Variants in JADE1 observed in about 807,000 individuals in gnomAD.
The protein encoded by JADE1 is protein Jade-1.
In JADE1, 14 loss-of-function variants were observed where a neutral mutation model predicts 81.8. The observed-to-expected ratio is 0.17, with a 90% CI of 0.11 to 0.27. JADE1 has a LOEUF of 0.27. Among genes scored for constraint, JADE1 ranks in the 10% least tolerant of loss-of-function variants. The pLI is 1.00. For missense variants in JADE1, 690 were observed against 1,047.9 expected (o/e 0.66, Z 4.71); for synonymous variants, 353 against 391.9 (o/e 0.90, Z 1.17).
At chr4:128,855,948 T>A in intron 7 of JADE1, 151 bp downstream of exon 7, 1 of 573,692 alleles carries the variant, frequency 1.7e-6, no homozygotes, top group Non-Finnish European at 2.9e-6. Context: ...GCCTTTTGAG[T>A]AGCTGAGATT....
chr4:128,837,598 C>T (rs927509095), intron 2 of JADE1, among the ~76,000 whole-genome samples: 2 of 152,100 alleles, frequency 1.3e-5, no homozygotes, highest in African/African-American at 4.8e-5. Context: ...ATTAAATTTC[C>T]CTAATTTGAG....
chr4:128,861,559 C>A, intron 8 of JADE1, 145 bp from the exon 9 acceptor site: 1 of 926,990 alleles, frequency 1.1e-6, no homozygotes, highest in Non-Finnish European at 1.6e-6. Flanking sequence ...CAGGGTTAAT[C>A]CACGTACAAC....
intron 5 of JADE1, among the ~76,000 whole-genome samples, chr4:128,850,294 CAG>C (rs2125864673): frequency 7.3e-6 from 1 of 136,496 alleles, no homozygotes; most frequent in African/African-American, 2.7e-5. Flanking sequence ...ACCTGGGCAA[CAG>C]AGCCAGACTC....
intron 1 of JADE1, among the ~76,000 whole-genome samples, chr4:128,819,322 T>G (rs1350781822): frequency 6.6e-6 from 1 of 152,132 alleles, no homozygotes; most frequent in Non-Finnish European, 1.5e-5. Flanking sequence ...CAGGCAGTAG[T>G]GCAGTGGCAC....
chr4:128,826,433 C>CT (rs1398792041), intron 1 of JADE1, among the ~76,000 whole-genome samples: 1 of 152,074 alleles, frequency 6.6e-6, no homozygotes, highest in African/African-American at 2.4e-5. Flanking sequence ...GCTCAGCTCA[C>CT]TGCAACCTCC....
At position 128,852,246 on chromosome 4, in the gene JADE1, A is replaced by G. The variant is rs986364281; in HGVS notation, c.674A>G (p.Lys225Arg). The change falls in exon 6 of 11, where the codon AAA becomes AGA. Residue 225 changes from lysine to arginine, a missense_variant. By Grantham distance (26) the Lys-to-Arg change is conservative (BLOSUM62 2). This residue lies in a region of JADE1 where 84 missense variants were observed against 226.6 expected (regional missense o/e 0.37). Transcript: ENST00000226319. ...GGCAATGAGATGGTGTTCTGTGACA[A>G]ATGCAACATCTGTGTGCACCAGGTA... ...EDGNEMVFCD[K>R]CNICVHQACY... 1.9e-6 allele frequency: 3 copies of G among 1,613,928 alleles called. No individual in the cohort carries two copies. Among genetic ancestry groups the G allele is most frequent in the Non-Finnish European group, 2.5e-6 (3 of 1,179,938 alleles).
intron 10 of JADE1, among the ~76,000 whole-genome samples, chr4:128,870,508 GGGGTAACAACTCATTAGT>G (rs1732110760): frequency 6.6e-6 from 1 of 152,160 alleles, no homozygotes; most frequent in South Asian, 2.1e-4. Context: ...TCACCTGCTA[GGGGTAACAACTCATTAGT>G]GGGTTGTGAG....
chr4:128,828,336 G>T (rs986811274), intron 1 of JADE1, among the ~76,000 whole-genome samples: 4 of 152,170 alleles, frequency 2.6e-5, no homozygotes, highest in Admixed American at 6.6e-5. Context: ...TTTTAGTGGG[G>T]CAGATGTTTG....
intron 6 of JADE1, among the ~76,000 whole-genome samples, chr4:128,852,942 C>T (rs186712437): frequency 7.1e-4 from 105 of 147,464 alleles, no homozygotes; most frequent in African/African-American, 2.4e-3. Flanking sequence ...TTTGAGATGG[C>T]TGGAGTGCAA....
chr4:128,865,666 G>A (rs1264492153), intron 9 of JADE1, among the ~76,000 whole-genome samples: 2 of 152,154 alleles, frequency 1.3e-5, no homozygotes, highest in Non-Finnish European at 2.9e-5. Flanking sequence ...GGGCTGATTT[G>A]TTCCGATTGA....
intron 1 of JADE1, among the ~76,000 whole-genome samples, chr4:128,828,356 A>G (rs912762028): frequency 3.3e-5 from 5 of 152,190 alleles, no homozygotes; most frequent in Non-Finnish European, 1.5e-5. Flanking sequence ...GCAGCATACA[A>G]CCACTGTATT....
chr4:128,842,160 C>G (rs966088368), intron 2 of JADE1, among the ~76,000 whole-genome samples: 3 of 152,166 alleles, frequency 2.0e-5, no homozygotes, highest in Admixed American at 6.5e-5. Flanking sequence ...ACTATGCTAG[C>G]TATTTACTAC....
chr4:128,871,984 T>G lies in JADE1; in HGVS notation c.2251T>G (p.Phe751Val). The G allele has an allele frequency of 6.2e-7, 1 of 1,613,912 alleles. No individual in the cohort carries two copies. The highest frequency in any genetic ancestry group is 8.5e-7 in the Non-Finnish European group (1 of 1,179,932). Residue 751 changes from phenylalanine to valine, a missense_variant, in exon 11 of 11, where the codon TTC (phenylalanine) becomes GTC (valine). Phe to Val is a conservative substitution (Grantham distance 50). Around this residue, in one of 8 missense-constraint regions of JADE1, gnomAD observed 218 missense variants for 274.3 expected, o/e 0.79. Coordinates refer to ENST00000226319, the MANE Select transcript of JADE1 (RefSeq NM_199320.4). The surrounding 1 kb of genome is among the most constrained non-coding windows in gnomAD (Gnocchi z 4.1). ...CAGCCCAGTGAAAAACTGGGGAGGA[T>G]TCCGGATTCCAAAGAAGGGGGAACG... ...PASPVKNWGG[F>V]RIPKKGERQQ...
At chr4:128,860,743 T>C (rs1461141571) in intron 8 of JADE1, among the ~76,000 whole-genome samples, 1 of 152,234 alleles carries the variant, frequency 6.6e-6, no homozygotes, top group African/African-American at 2.4e-5. Context: ...ATTGTGGCCC[T>C]GTTTAGGCAG....
intron 5 of JADE1, among the ~76,000 whole-genome samples, chr4:128,851,161 C>A (rs1730320061): frequency 6.6e-6 from 1 of 152,220 alleles, no homozygotes; most frequent in African/African-American, 2.4e-5. Context: ...GAACTCCTGA[C>A]CTCAAATGAT....
chr4:128,865,772 T>A (rs1560779754), intron 9 of JADE1, among the ~76,000 whole-genome samples: 1 of 152,224 alleles, frequency 6.6e-6, no homozygotes, highest in Non-Finnish European at 1.5e-5. Context: ...GCAGCCATGG[T>A]GTGGTCAAAG....
At chr4:128,848,860 C>A in intron 4 of JADE1, 120 bp from the exon 5 acceptor site, 2 of 903,610 alleles carry the variant, frequency 2.2e-6, no homozygotes, top group South Asian at 1.5e-5. Context: ...AGGTTTTCAG[C>A]CTCTGGTGAT....
chr4:128,867,742 G>C (rs1419953027), intron 9 of JADE1, 114 bp from the exon 10 acceptor site: 4 of 566,892 alleles, frequency 7.1e-6, no homozygotes, highest in Non-Finnish European at 1.3e-5. Flanking sequence ...TTGATTTCAA[G>C]TATCTGTCAA....
chr4:128,851,726 C>T (rs1730372842), intron 5 of JADE1, among the ~76,000 whole-genome samples: 1 of 152,158 alleles, frequency 6.6e-6, no homozygotes, highest in African/African-American at 2.4e-5. Context: ...CACAGTGGCA[C>T]AGTCATGGCT....
Sources: gnomAD v4.1 joint callset for allele counts (sites outside exome capture counted in the v4.1 genomes callset) on GRCh38, gnomAD v4.1.1 for gene constraint, gnomAD v4.1.1 regional missense constraint, Gnocchi (gnomAD v3.1) non-coding constraint, MANE v1.5 for transcripts, NCBI Gene and HGNC (gene_info 2026-07-23, HGNC 2026-07-21) for gene names.